The following SLC30A10 variants were observed in gnomAD, a reference collection of about 807,000 sequenced individuals.
The protein encoded by SLC30A10 is calcium/manganese antiporter SLC30A10.
SLC30A10 carries 8 observed loss-of-function variants against 21.7 expected under a neutral mutation model. The ratio of observed to expected loss-of-function variants is 0.37; its 90% CI spans 0.22 to 0.67. SLC30A10 has a LOEUF of 0.67. Among genes scored for constraint, SLC30A10 ranks in the 30% least tolerant of loss-of-function variants. The pLI is 0.58. For synonymous variants in SLC30A10, 272 were observed against 279.4 expected (o/e 0.97, Z 0.26); for missense variants, 521 against 642.5 (o/e 0.81, Z 2.04).
chr1:219,943,384 C>T (rs915923903), intron 1 of SLC30A10, among the ~76,000 whole-genome samples: 10 of 152,174 alleles, frequency 6.6e-5, no homozygotes, highest in African/African-American at 2.4e-4. Context: ...GAAGCACCCC[C>T]TATCTCAGGG....
chr1:219,926,908 G>T, intron 2 of SLC30A10, 120 bp downstream of exon 2: 1 of 716,266 alleles, frequency 1.4e-6, no homozygotes. Context: ...CATAGTCTAT[G>T]CATGTAACTG....
intron 2 of SLC30A10, among the ~76,000 whole-genome samples, chr1:219,926,223 T>C (rs1428214014): frequency 1.3e-5 from 2 of 152,216 alleles, no homozygotes; most frequent in Non-Finnish European, 2.9e-5. Flanking sequence ...AGGTATCTCC[T>C]GAATTATTAA....
intron 2 of SLC30A10, among the ~76,000 whole-genome samples, chr1:219,921,475 C>A (rs1319835895): frequency 1.3e-5 from 2 of 152,114 alleles, no homozygotes; most frequent in South Asian, 2.1e-4. Context: ...GCTTTTCCTT[C>A]TGAGAAATCC....
At chr1:219,925,651 A>ATATATATTTTTT (rs1317554458) in intron 2 of SLC30A10, among the ~76,000 whole-genome samples, 25 of 48,282 alleles carry the variant, frequency 5.2e-4, no homozygotes, top group African/African-American at 2.5e-3. Flanking sequence ...ATATATATAT[A>ATATATATTTTTT]TTTTTTTTTT....
chr1:219,926,743 G>A (rs546437249), intron 2 of SLC30A10, among the ~76,000 whole-genome samples: 1 of 152,230 alleles, frequency 6.6e-6, no homozygotes, highest in South Asian at 2.1e-4. Context: ...CAATATCCAC[G>A]GACCAGTAAA....
Position 219,928,420 on chromosome 1 carries a change from C to A in SLC30A10, c.21G>T (p.Lys7Asn). 1 of 1,612,264 alleles carries A rather than the reference C, an allele frequency of 6.2e-7. No individual in the cohort carries two copies. The highest frequency in any genetic ancestry group is 8.5e-7 in the Non-Finnish European group (1 of 1,179,342). Reference sequence around the variant, plus strand: ...CCAGCATGAAGAGCAGCCGGCACGTCTTGCCAGAGTAGCGGCCCATCTCGC... The same window carrying A: ...CCAGCATGAAGAGCAGCCGGCACGTATTGCCAGAGTAGCGGCCCATCTCGC... MGRYSG[K>N]TCRLLFMLVL... The change falls in exon 1 of 4, where the codon AAG becomes AAT. Residue 7 changes from lysine to asparagine, a missense_variant. Transcript: ENST00000366926. This position sits in a 1 kb window ranked among gnomAD's most constrained non-coding sequence, Gnocchi z 6.3.
Position 219,928,153 on chromosome 1 carries a change from G to A in SLC30A10, c.288C>T (p.Ile96=), listed in dbSNP as rs1659893010. ...AVFLTALCFT[I]FVEAVLRLAR... is the part of the protein sequence containing the mutation. ...CCAGGCGCAGCACGGCCTCCACGAA[G>A]ATGGTGAAGCAGAGCGCGGTGAGGA... Residue 96 remains isoleucine, a synonymous_variant, in exon 1 of 4, where the codon ATC becomes ATT. Coordinates refer to ENST00000366926, the MANE Select transcript of SLC30A10 (RefSeq NM_018713.3). This position sits in a 1 kb window ranked among gnomAD's most constrained non-coding sequence, Gnocchi z 6.3. 1 of 1,561,808 alleles carries A rather than the reference G, an allele frequency of 6.4e-7. No homozygotes were observed. The highest frequency in any genetic ancestry group is 8.7e-7 in the Non-Finnish European group (1 of 1,153,302).
chr1:219,946,109 T>G (rs1238267087), intron 1 of SLC30A10, among the ~76,000 whole-genome samples: 1 of 152,248 alleles, frequency 6.6e-6, no homozygotes, highest in East Asian at 1.9e-4. Flanking sequence ...AAATTTAATT[T>G]TCTGTTATAA....
chr1:219,958,688 C>T (rs965933111), upstream of SLC30A10: 4 of 152,756 alleles, frequency 2.6e-5, no homozygotes, highest in African/African-American at 9.6e-5. Flanking sequence ...AGTATCGGCT[C>T]CTCTGTCTTC....
Position 219,928,380 on chromosome 1 carries a change from A to T in SLC30A10, c.61T>A (p.Phe21Ile), listed in dbSNP as rs1435000986. 1 of 1,613,464 alleles carries T rather than the reference A, an allele frequency of 6.2e-7. No individual in the cohort carries two copies. Among genetic ancestry groups the T allele is most frequent in the Admixed American group, 1.7e-5 (1 of 60,004 alleles). Reference protein sequence around the residue: ...LLFMLVLTVAFFVAELVSGYL... With the variant: ...LLFMLVLTVAIFVAELVSGYL... The stretch of plus-strand genomic sequence containing the variant: ...CCGGAGACCAGCTCCGCCACGAAGA[A>T]GGCGACGGTGAGCACCAGCATGAAG... The change falls in exon 1 of 4, where the codon TTC (phenylalanine) becomes ATC (isoleucine). Residue 21 changes from phenylalanine to isoleucine, a missense_variant. Phe to Ile is a conservative substitution (Grantham distance 21). Coordinates refer to ENST00000366926, the MANE Select transcript of SLC30A10 (RefSeq NM_018713.3). The surrounding 1 kb of genome is among the most constrained non-coding windows in gnomAD (Gnocchi z 6.3).
chr1:219,937,084 C>A (rs1470232638), intron 1 of SLC30A10, among the ~76,000 whole-genome samples: 4 of 152,056 alleles, frequency 2.6e-5, no homozygotes, highest in Non-Finnish European at 5.9e-5. Flanking sequence ...CATTATGTTG[C>A]CATTCATAAA....
rs1474927661 is a variant in SLC30A10 at position 219,949,883 on chromosome 1, A to G, written n.80+8685T>C. 5.3e-5 allele frequency among the ~76,000 whole-genome samples: 8 copies of G among 152,344 alleles called. No homozygotes were observed. The South Asian group carries it at 1.7e-3, about 32-fold the overall frequency. The stretch of plus-strand genomic sequence containing the variant: ...CTATTGTCTCCATCAAAAGAACAAG[A>G]AAGAGGCAAAAAATTAGAAATATAA... On this transcript the variant is annotated intron_variant and non_coding_transcript_variant, in intron 1 of 8. Coordinates refer to the SLC30A10 transcript ENST00000484239.
chr1:219,945,813 AT>A (rs1303223546), intron 1 of SLC30A10, among the ~76,000 whole-genome samples: 1 of 152,216 alleles, frequency 6.6e-6, no homozygotes, highest in Admixed American at 6.5e-5. Context: ...CAAAGAGAAG[AT>A]CTTTAAAAGG....
chr1:219,923,406 T>C (rs1659742223), intron 2 of SLC30A10, among the ~76,000 whole-genome samples: 1 of 152,142 alleles, frequency 6.6e-6, no homozygotes, highest in Non-Finnish European at 1.5e-5. Flanking sequence ...CAAGTTGAAA[T>C]CTGATGTGTC....
intron 2 of SLC30A10, among the ~76,000 whole-genome samples, chr1:219,926,092 T>C (rs1406526765): frequency 6.6e-6 from 1 of 152,164 alleles, no homozygotes; most frequent in East Asian, 1.9e-4. Flanking sequence ...GCCTTTAAAT[T>C]TGTTTGATTA....
intron 1 of SLC30A10, among the ~76,000 whole-genome samples, chr1:219,934,368 C>T (rs188890865): frequency 6.6e-6 from 1 of 151,752 alleles, no homozygotes; most frequent in Non-Finnish European, 1.5e-5. Context: ...GAGGCTGAGG[C>T]AAGAAAATTG....
intron 2 of SLC30A10, among the ~76,000 whole-genome samples, chr1:219,922,164 G>GTT (rs1659701153): frequency 5.2e-5 from 1 of 19,270 alleles, no homozygotes; most frequent in South Asian, 2.4e-3. Context: ...TTGTTTGTGT[G>GTT]TGTGTGTGTG....
At chr1:219,955,992 T>A (rs1269590815) in intron 1 of SLC30A10, among the ~76,000 whole-genome samples, 3 of 152,226 alleles carry the variant, frequency 2.0e-5, no homozygotes, top group African/African-American at 4.8e-5. Flanking sequence ...TGTCAATTTA[T>A]GACGTTCGTC....
At chr1:219,939,460 C>T (rs1396243291) in intron 1 of SLC30A10, among the ~76,000 whole-genome samples, 2 of 151,948 alleles carry the variant, frequency 1.3e-5, no homozygotes, top group Non-Finnish European at 2.9e-5. Context: ...CCAAGTCTCA[C>T]TCTGTCGCCC....
Sources: allele counts gnomAD v4.1 joint callset (sites outside exome capture counted in the v4.1 genomes callset), GRCh38; gene constraint gnomAD v4.1.1; non-coding constraint Gnocchi (gnomAD v3.1); transcripts MANE v1.5; gene names NCBI Gene and HGNC (gene_info 2026-07-23, HGNC 2026-07-21).